ELP1: variants seen among roughly 807,000 people sequenced by gnomAD.
ELP1 encodes elongator complex protein 1.
In ELP1, 131 loss-of-function variants were observed where a neutral mutation model predicts 183.2. The ratio of observed to expected loss-of-function variants is 0.72; its 90% confidence interval spans 0.62 to 0.83. The LOEUF (loss-of-function observed/expected upper bound fraction) is 0.83. ELP1 is among the 40% of genes least tolerant of loss of function. ELP1 has a pLI of 0.00. For synonymous variants in ELP1, 555 were observed against 569.0 expected (o/e 0.98, Z 0.35); for missense variants, 1,550 against 1,594.9 (o/e 0.97, Z 0.48).
At chr9:108,891,177 G>T in intron 28 of ELP1, 26 bp downstream of exon 28, 1 of 1,607,354 alleles carries the variant, frequency 6.2e-7, no homozygotes, top group Non-Finnish European at 8.5e-7. Context: ...CTTTGTAGAT[G>T]TAAACATATA....
In ELP1 at chr9:108,885,086, AAAC is replaced by A. The variant is rs543761979; in HGVS notation, c.3223-2902_3223-2900del. Among the ~76,000 whole-genome samples, 125 of 152,242 alleles carry A rather than the reference AAAC, an allele frequency of 8.2e-4. 1 individual carries two copies. The highest frequency in any genetic ancestry group is 2.6e-3 in the African/African-American group (109 of 41,558). ...AGAGTGGGACCCTGTTTCTTTAAAAAAACAACAACAACAAAAGAAAAAAATAAG... is the reference window on the plus strand; with the variant it reads ...AGAGTGGGACCCTGTTTCTTTAAAAAAACAACAACAAAAGAAAAAAATAAG... On this transcript the variant is annotated intron_variant, in intron 29 of 36. Coordinates refer to ENST00000374647, the MANE Select transcript of ELP1 (RefSeq NM_003640.5).
chr9:108,882,344 A>G (rs1827962535), intron 29 of ELP1, among the ~76,000 whole-genome samples, 157 bp from the exon 30 acceptor site: 1 of 152,206 alleles, frequency 6.6e-6, no homozygotes, highest in East Asian at 1.9e-4. Flanking sequence ...TCATGACTCC[A>G]TAAATATTGA....
chr9:108,900,009 G>A, intron 19 of ELP1, 114 bp from the exon 20 acceptor site: 2 of 918,276 alleles, frequency 2.2e-6, no homozygotes, highest in Non-Finnish European at 3.5e-6. Context: ...TCTAAAATCA[G>A]CACACTTTTA....
rs1330291506 is a variant in ELP1 at position 108,933,913 on chromosome 9, C to T, written c.-105G>A. Reference sequence around the variant, plus strand: ...GTCCGGCCTCGCCTCCCCAGCCACGCGCAGCCGGCTACCCAGAGTCAGCTC... The same window carrying T: ...GTCCGGCCTCGCCTCCCCAGCCACGTGCAGCCGGCTACCCAGAGTCAGCTC... On this transcript the variant is annotated 5_prime_UTR_variant, in exon 1 of 37. Transcript: ENST00000374647. 3 of 156,808 alleles carry T rather than the reference C, an allele frequency of 1.9e-5. No homozygotes were observed. The highest frequency in any genetic ancestry group is 3.5e-4 in the South Asian group (2 of 5,778). 9.7% of individuals were successfully genotyped at this position (156,808 alleles called of 1,614,324 possible).
At position 108,912,053 on chromosome 9, in the gene ELP1, T is replaced by C. The variant is rs530222422; in HGVS notation, c.1189+211A>G. On this transcript the variant is annotated intron_variant, in intron 11 of 36. Coordinates refer to ENST00000374647, the MANE Select transcript of ELP1 (RefSeq NM_003640.5). ...CAAGTAAACGTGTGAAGGCCACAGATGCAGTATAACAGGAAACTGGTGGGG... is the reference window on the plus strand; with the variant it reads ...CAAGTAAACGTGTGAAGGCCACAGACGCAGTATAACAGGAAACTGGTGGGG... Among the ~76,000 whole-genome samples the C allele has an allele frequency of 3.0e-3, 458 of 152,230 alleles. 3 individuals are homozygous for C. The highest frequency in any genetic ancestry group is 0.011 in the African/African-American group (447 of 41,546).
chr9:108,873,956 G>C lies in ELP1; in HGVS notation c.3931+939C>G, dbSNP rs1054795917. On this transcript the variant is annotated intron_variant, in intron 36 of 36. Transcript: ENST00000374647. Reference sequence around the variant, plus strand: ...TTGCCATTCTCTAGACAGAAGAGGAGCTAGGAATACAGTAGTTACAGTCTG... The same window carrying C: ...TTGCCATTCTCTAGACAGAAGAGGACCTAGGAATACAGTAGTTACAGTCTG... Among the ~76,000 whole-genome samples, 12 of 152,290 alleles carry C rather than the reference G, an allele frequency of 7.9e-5. No individual in the cohort carries two copies. In the South Asian group the frequency reaches 2.5e-3, roughly 32 times the overall value.
At chr9:108,897,122 A>G in intron 23 of ELP1, 26 bp downstream of exon 23, 1 of 1,614,192 alleles carries the variant, frequency 6.2e-7, no homozygotes, top group Non-Finnish European at 8.5e-7. Flanking sequence ...TTTTCAAAGG[A>G]TGCCACCTGG....
At chr9:108,878,595 G>C in intron 34 of ELP1, 28 bp downstream of exon 34, 1 of 1,614,052 alleles carries the variant, frequency 6.2e-7, no homozygotes, top group Non-Finnish European at 8.5e-7. Context: ...TTTGTGGTCA[G>C]GAATCATCAT....
At chr9:108,901,866 C>T (rs1306156699) in intron 16 of ELP1, among the ~76,000 whole-genome samples, 185 bp from the exon 17 acceptor site, 1 of 152,128 alleles carries the variant, frequency 6.6e-6, no homozygotes. Flanking sequence ...TCCAATCCAT[C>T]AGTGAGCCCT....
chr9:108,899,927 T>C, intron 19 of ELP1, 32 bp from the exon 20 acceptor site: 1 of 1,568,132 alleles, frequency 6.4e-7, no homozygotes, highest in Non-Finnish European at 8.8e-7. Flanking sequence ...ACATTTTTAA[T>C]TAAGTAGAAA....
intron 36 of ELP1, among the ~76,000 whole-genome samples, chr9:108,871,539 C>A (rs1294021802): frequency 6.6e-6 from 1 of 152,196 alleles, no homozygotes; most frequent in African/African-American, 2.4e-5. Flanking sequence ...CCCTTCCAGG[C>A]TCGGGGGTTA....
At chr9:108,880,246 G>A in intron 31 of ELP1, 81 bp from the exon 32 acceptor site, 1 of 919,668 alleles carries the variant, frequency 1.1e-6, no homozygotes, top group Non-Finnish European at 1.8e-6. Flanking sequence ...CAGTGAAGGA[G>A]GGTTAAAATT....
At chr9:108,900,407 T>C in intron 18 of ELP1, 32 bp from the exon 19 acceptor site, 1 of 1,481,104 alleles carries the variant, frequency 6.8e-7, no homozygotes, top group Non-Finnish European at 9.4e-7. Context: ...AAGCCTTAAT[T>C]ATCACAACAA....
chr9:108,883,790 A>C (rs1828019809), intron 29 of ELP1, among the ~76,000 whole-genome samples: 1 of 152,170 alleles, frequency 6.6e-6, no homozygotes, highest in Non-Finnish European at 1.5e-5. Flanking sequence ...AGTATAGCTA[A>C]TAAGCCAACA....
intron 13 of ELP1, 103 bp from the exon 14 acceptor site, chr9:108,906,588 T>C (rs1318996881): frequency 1.1e-6 from 1 of 895,530 alleles, no homozygotes; most frequent in African/African-American, 1.7e-5. Context: ...TACAGTCCAC[T>C]CCTAATTATT....
intron 8 of ELP1, 124 bp downstream of exon 8, chr9:108,918,686 TA>T: frequency 1.3e-6 from 1 of 774,282 alleles, no homozygotes; most frequent in Non-Finnish European, 2.3e-6. Flanking sequence ...TACAGCCTTA[TA>T]ACCAAATGAA....
intron 6 of ELP1, 96 bp from the exon 7 acceptor site, chr9:108,919,445 G>A: frequency 1.3e-6 from 1 of 789,910 alleles, no homozygotes; most frequent in Admixed American, 2.2e-5. Flanking sequence ...TTTTTTAAGA[G>A]GTTTAAGCTA....
intron 1 of ELP1, among the ~76,000 whole-genome samples, chr9:108,932,342 A>G (rs1229520872): frequency 6.6e-6 from 1 of 151,932 alleles, no homozygotes; most frequent in Admixed American, 6.6e-5. Context: ...CATATCATGC[A>G]GGTTTTTTTG....
chr9:108,919,301 G>T lies in ELP1; in HGVS notation c.601C>A (p.Arg201=). 1 of 1,613,456 alleles carries T rather than the reference G, an allele frequency of 6.2e-7. No individual in the cohort carries two copies. Among genetic ancestry groups the T allele is most frequent in the Non-Finnish European group, 8.5e-7 (1 of 1,179,758 alleles). The change falls in exon 7 of 37, where the codon CGG becomes AGG. Residue 201 remains arginine (R), a synonymous_variant. Coordinates refer to ENST00000374647, the MANE Select transcript of ELP1 (RefSeq NM_003640.5). The stretch of plus-strand genomic sequence containing the variant: ...ACAGCAAAAAACTGTCCATCCCCCC[G>T]CCAGGTAACTTGTGGTCTATGGTCA... ...WDDHRPQVTW[R]GDGQFFAVSV...
Sources: allele counts gnomAD v4.1 joint callset (sites outside exome capture counted in the v4.1 genomes callset), GRCh38; gene constraint gnomAD v4.1.1; transcripts MANE v1.5; gene names NCBI Gene and HGNC (gene_info 2026-07-23, HGNC 2026-07-21).